The following COL6A5 variants were observed in gnomAD, a reference collection of about 807,000 sequenced individuals.
The protein encoded by COL6A5 is collagen type VI alpha 5 chain, also known as collagen alpha-5(VI) chain.
A neutral mutation model predicts 65.6 loss-of-function variants in COL6A5; 48 were observed. The observed-to-expected ratio is 0.73, with a 90% CI of 0.58 to 0.93. COL6A5 has a LOEUF of 0.93. COL6A5 is among the 40% of genes least tolerant of loss of function. COL6A5 has a pLI of 0.00. For missense variants in COL6A5, 914 were observed against 928.3 expected (o/e 0.98, Z 0.20); for synonymous variants, 291 against 322.8 (o/e 0.90, Z 1.05).
chr3:130,394,526 A>T (rs185658416), intron 7 of COL6A5, among the ~76,000 whole-genome samples: 33 of 152,314 alleles, frequency 2.2e-4, no homozygotes, highest in Admixed American at 2.0e-3. Context: ...AGTAAGTGCT[A>T]TTATCTTGAT....
At chr3:130,458,727 A>G (rs1363262901) in intron 5 of COL6A5, among the ~76,000 whole-genome samples, 1 of 152,132 alleles carries the variant, frequency 6.6e-6, no homozygotes, top group African/African-American at 2.4e-5. Context: ...ATCTTATTCA[A>G]GAACATCCAT....
intron 10 of COL6A5, among the ~76,000 whole-genome samples, chr3:130,398,501 T>A (rs1936696297): frequency 6.6e-6 from 1 of 152,158 alleles, no homozygotes; most frequent in Admixed American, 6.5e-5. Flanking sequence ...ATGCTGTAGA[T>A]CTTGAGATCT....
intron 4 of COL6A5, among the ~76,000 whole-genome samples, chr3:130,382,311 C>T (rs756428274): frequency 1.3e-5 from 2 of 152,088 alleles, no homozygotes; most frequent in Non-Finnish European, 2.9e-5. Context: ...CTGGACACTC[C>T]TGGTTCAAGT....
chr3:130,484,004 TAA>T (rs772039365), intron 7 of COL6A5, 29 bp from the exon 41 acceptor site: 34 of 1,598,338 alleles, frequency 2.1e-5, no homozygotes, highest in East Asian at 1.1e-4. Context: ...ACAATGACAT[TAA>T]AAGCAGTGAA....
At chr3:130,471,875 CA>C in intron 7 of COL6A5, 1 of 1,467,708 alleles carries the variant, frequency 6.8e-7, no homozygotes, top group Non-Finnish European at 9.1e-7. Context: ...GGAAAAAGCA[CA>C]TTTAGAAGAA....
At chr3:130,397,635 G>T (rs1476577317) in exon 9 of COL6A5, 3 of 1,551,462 alleles carry the variant, frequency 1.9e-6, no homozygotes, top group South Asian at 2.4e-5. Context: ...ATGTGCAGGG[G>T]CAGCCTTTGT....
rs571115786 is a variant in COL6A5 at position 130,391,090 on chromosome 3, A to G, written c.2417-89A>G. ...ATAGTGTCTGACACATAGTAGGCTC[A>G]TGGCAAATGCCAGTTCGCTTCCCTT... is the stretch of plus-strand genomic sequence containing the variant. On this transcript the variant is annotated intron_variant and NMD_transcript_variant, in intron 6 of 41. Transcript: ENST00000312481. 8.6e-4 allele frequency: 764 copies of G among 885,432 alleles called. 12 individuals are homozygous for G. In the South Asian group the frequency reaches 0.011, roughly 13 times the overall value. 54.8% of individuals were successfully genotyped at this position (885,432 alleles called of 1,614,324 possible).
chr3:130,405,876 G>A (rs773420533), intron 14 of COL6A5, 117 bp from the exon 15 acceptor site: 22 of 1,063,310 alleles, frequency 2.1e-5, no homozygotes, highest in Non-Finnish European at 3.1e-5. Context: ...TAACCTCTTT[G>A]TAGATGTATA....
At chr3:130,417,995 A>G (rs574883178) in intron 24 of COL6A5, among the ~76,000 whole-genome samples, 1 of 152,190 alleles carries the variant, frequency 6.6e-6, no homozygotes, top group South Asian at 2.1e-4. Flanking sequence ...AAAATACAGT[A>G]TTGTATACTC....
intron 6 of COL6A5, 67 bp from the exon 39 acceptor site, chr3:130,470,804 C>A: frequency 8.5e-7 from 1 of 1,182,630 alleles, no homozygotes; most frequent in Non-Finnish European, 1.2e-6. Context: ...AAAACATGAT[C>A]TGACTTTGGG....
intron 4 of COL6A5, among the ~76,000 whole-genome samples, chr3:130,451,454 G>A (rs967472594): frequency 3.9e-5 from 6 of 152,110 alleles, no homozygotes; most frequent in African/African-American, 1.2e-4. Flanking sequence ...GAAGCAGGCT[G>A]AGTGGATGGT....
At chr3:130,436,077 T>A (rs886267765) in intron 1 of COL6A5, among the ~76,000 whole-genome samples, 1 of 152,084 alleles carries the variant, frequency 6.6e-6, no homozygotes, top group African/African-American at 2.4e-5. Flanking sequence ...AATTTCTAAA[T>A]TTTTAAAAAA....
chr3:130,407,608 C>T (rs1937036391), intron 17 of COL6A5, among the ~76,000 whole-genome samples: 1 of 152,182 alleles, frequency 6.6e-6, no homozygotes. Flanking sequence ...AGCAGGGCAC[C>T]TAAGGTGCAA....
intron 17 of COL6A5, among the ~76,000 whole-genome samples, chr3:130,406,931 G>A (rs2107670188): frequency 6.6e-6 from 1 of 152,262 alleles, no homozygotes; most frequent in East Asian, 1.9e-4. Flanking sequence ...AGAATCAGAG[G>A]TGAACCACAC....
intron 3 of COL6A5, among the ~76,000 whole-genome samples, chr3:130,442,026 C>G (rs779843712): frequency 4.6e-5 from 7 of 152,096 alleles, no homozygotes; most frequent in Non-Finnish European, 7.4e-5. Context: ...CTCTTCATTG[C>G]AAGGAGAGCT....
chr3:130,406,393 C>T (rs1167176436), intron 17 of COL6A5, 72 bp downstream of exon 17: 3 of 1,214,108 alleles, frequency 2.5e-6, no homozygotes, highest in African/African-American at 1.5e-5. Context: ...TGCTGTGTGT[C>T]AGTGGTTATA....
At chr3:130,476,101 A>G (rs1348648206) in intron 7 of COL6A5, among the ~76,000 whole-genome samples, 1 of 152,098 alleles carries the variant, frequency 6.6e-6, no homozygotes, top group African/African-American at 2.4e-5. Flanking sequence ...CTTAAATAAC[A>G]TTGATTTATT....
chr3:130,422,957 G>A (rs886072182), intron 28 of COL6A5, among the ~76,000 whole-genome samples, 175 bp downstream of exon 28: 1 of 152,014 alleles, frequency 6.6e-6, no homozygotes, highest in African/African-American at 2.4e-5. Flanking sequence ...CATAAGAATT[G>A]AACTTAGTGA....
At chr3:130,467,467 C>T (rs1209370920) in intron 5 of COL6A5, among the ~76,000 whole-genome samples, 2 of 151,900 alleles carry the variant, frequency 1.3e-5, no homozygotes, top group African/African-American at 2.4e-5. Flanking sequence ...TACCCTGATA[C>T]CAAAACTAGA....
Sources: gnomAD v4.1 joint callset for allele counts (sites outside exome capture counted in the v4.1 genomes callset) on GRCh38, gnomAD v4.1.1 for gene constraint, MANE v1.5 for transcripts, NCBI Gene and HGNC (gene_info 2026-07-23, HGNC 2026-07-21) for gene names.